LRMDA: variants seen among roughly 807,000 people sequenced by gnomAD.
The protein encoded by LRMDA is leucine rich melanocyte differentiation associated.
In LRMDA, 18 loss-of-function variants were observed where a neutral mutation model predicts 29.8. The ratio of observed to expected loss-of-function variants is 0.60; its 90% CI spans 0.42 to 0.90. The LOEUF is 0.90. Ranked by LOEUF, LRMDA falls within the 40% of genes least tolerant of loss-of-function variation. The probability of loss-of-function intolerance (pLI) is 0.00; values close to 1 mark genes in which losing one functional copy is unlikely to be tolerated. For missense variants in LRMDA, 273 were observed against 273.9 expected, an observed-to-expected ratio of 1.00 and a Z score of 0.02; for synonymous variants, 125 against 109.4, an observed-to-expected ratio of 1.14 and a Z score of -0.89.
chr10:76,096,442 T>C (rs1315408265), intron 5 of LRMDA, among the ~76,000 whole-genome samples: 1 of 152,134 alleles, frequency 6.6e-6, no homozygotes, highest in Non-Finnish European at 1.5e-5. Context: ...CATTGGTCTC[T>C]ATCTTTAGAC....
intron 2 of LRMDA, among the ~76,000 whole-genome samples, chr10:75,785,589 T>C (rs1026573157): frequency 6.6e-6 from 1 of 152,200 alleles, no homozygotes; most frequent in Non-Finnish European, 1.5e-5. Context: ...CCTGATTCCA[T>C]CCTTATTAGA....
chr10:76,539,581 C>T (rs1281374342), intron 6 of LRMDA, among the ~76,000 whole-genome samples: 2 of 152,086 alleles, frequency 1.3e-5, no homozygotes, highest in Middle Eastern at 3.2e-3. Flanking sequence ...CAGGGGTGGG[C>T]AGAGGGCCTG....
intron 6 of LRMDA, among the ~76,000 whole-genome samples, chr10:76,350,574 T>C (rs1171102273): frequency 1.3e-5 from 2 of 151,852 alleles, no homozygotes; most frequent in African/African-American, 2.4e-5. Flanking sequence ...GAGGGAGGAA[T>C]ATCAGGAAGG....
intron 2 of LRMDA, among the ~76,000 whole-genome samples, chr10:75,709,376 G>A (rs2132175894): frequency 6.6e-6 from 1 of 152,026 alleles, no homozygotes; most frequent in Middle Eastern, 3.4e-3. Context: ...GTGCGTGCAT[G>A]CGTATGTGTG....
intron 6 of LRMDA, among the ~76,000 whole-genome samples, chr10:76,391,398 G>A (rs1267708712): frequency 6.6e-6 from 1 of 152,200 alleles, no homozygotes; most frequent in Non-Finnish European, 1.5e-5. Flanking sequence ...AAAACCAGAA[G>A]GGATCTCAGT....
intron 6 of LRMDA, among the ~76,000 whole-genome samples, chr10:76,452,337 A>G (rs934432215): frequency 6.6e-6 from 1 of 152,144 alleles, no homozygotes; most frequent in Non-Finnish European, 1.5e-5. Context: ...GGGGTCCAGA[A>G]CACTTAACTC....
intron 2 of LRMDA, among the ~76,000 whole-genome samples, chr10:75,764,062 G>A (rs1413123647): frequency 2.6e-5 from 4 of 152,124 alleles, no homozygotes; most frequent in East Asian, 3.9e-4. Flanking sequence ...ATGGAGACCC[G>A]GCTGAGGGTG....
intron 2 of LRMDA, among the ~76,000 whole-genome samples, chr10:75,676,721 G>T (rs1841964230): frequency 6.6e-6 from 1 of 152,010 alleles, no homozygotes. Context: ...ACCTCTCTTA[G>T]GTAAATTCTC....
chr10:76,260,469 G>A (rs879866516), intron 5 of LRMDA, among the ~76,000 whole-genome samples: 2 of 151,988 alleles, frequency 1.3e-5, no homozygotes, highest in Non-Finnish European at 2.9e-5. Flanking sequence ...AATATTCTTG[G>A]CTGACATTTT....
intron 6 of LRMDA, among the ~76,000 whole-genome samples, chr10:76,441,123 A>C (rs1241759583): frequency 6.6e-6 from 1 of 152,142 alleles, no homozygotes; most frequent in Admixed American, 6.6e-5. Flanking sequence ...CACACACCAG[A>C]TGGTGCATGA....
intron 5 of LRMDA, among the ~76,000 whole-genome samples, chr10:76,244,871 G>T (rs1175465403): frequency 1.3e-5 from 2 of 152,170 alleles, no homozygotes; most frequent in African/African-American, 4.8e-5. Context: ...TTCTTCTGAG[G>T]CATGAGAACG....
intron 6 of LRMDA, among the ~76,000 whole-genome samples, chr10:76,339,306 A>C (rs1428886062): frequency 6.6e-6 from 1 of 151,724 alleles, no homozygotes; most frequent in East Asian, 1.9e-4. Flanking sequence ...GGTAAGAAAA[A>C]GAACTATAGA....
At chr10:76,041,659 G>A (rs1589299901) in intron 3 of LRMDA, among the ~76,000 whole-genome samples, 1 of 152,276 alleles carries the variant, frequency 6.6e-6, no homozygotes, top group Admixed American at 6.5e-5. Context: ...ACACAGGCTA[G>A]GAGGCTTCCC....
intron 6 of LRMDA, among the ~76,000 whole-genome samples, chr10:76,507,136 T>A (rs1842966852): frequency 6.6e-6 from 1 of 152,164 alleles, no homozygotes; most frequent in African/African-American, 2.4e-5. Context: ...ATAGCCATTT[T>A]AACTGAGGTG....
intron 5 of LRMDA, among the ~76,000 whole-genome samples, chr10:76,070,615 G>C (rs1051078040): frequency 6.6e-6 from 1 of 152,216 alleles, no homozygotes; most frequent in Non-Finnish European, 1.5e-5. Context: ...GTGTGAATTT[G>C]GGGGTACGCA....
chr10:76,524,804 A>G lies in LRMDA; in HGVS notation c.602-32405A>G, dbSNP rs143125021. On this transcript the variant is annotated intron_variant, in intron 6 of 6. Coordinates refer to ENST00000611255, the MANE Select transcript of LRMDA (RefSeq NM_001305581.2). ...GGCAGTGCCATCTCGCTGGACAAAA[A>G]CAGGCTGAGACACAGGAGAGCAATG... 4.6e-3 allele frequency among the ~76,000 whole-genome samples: 706 copies of G among 152,346 alleles called. 4 individuals carry two copies. The highest frequency in any genetic ancestry group is 0.034 in the Middle Eastern group (10 of 294).
intron 2 of LRMDA, among the ~76,000 whole-genome samples, chr10:75,676,401 G>A (rs902213830): frequency 1.3e-5 from 2 of 152,166 alleles, no homozygotes; most frequent in East Asian, 3.8e-4. Context: ...TACAATTCTA[G>A]CATTTTTGAC....
intron 6 of LRMDA, among the ~76,000 whole-genome samples, chr10:76,450,055 G>A (rs1031991587): frequency 6.6e-6 from 1 of 151,994 alleles, no homozygotes. Context: ...TGATTTCACA[G>A]TCTTGAGTTC....
At chr10:75,495,080 G>A (rs574668733) in intron 2 of LRMDA, among the ~76,000 whole-genome samples, 1 of 152,352 alleles carries the variant, frequency 6.6e-6, no homozygotes, top group East Asian at 1.9e-4. Flanking sequence ...AAAGGAGGCA[G>A]AGAATTGCAG....
Sources: gnomAD v4.1 joint callset for allele counts (sites outside exome capture counted in the v4.1 genomes callset) on GRCh38, gnomAD v4.1.1 for gene constraint, MANE v1.5 for transcripts, NCBI Gene and HGNC (gene_info 2026-07-23, HGNC 2026-07-21) for gene names.